Variants in CDH12 observed in about 807,000 individuals in gnomAD.
The protein encoded by CDH12 is cadherin-12.
A neutral mutation model predicts 74.1 loss-of-function variants in CDH12; 41 were observed. That is an observed-to-expected ratio of 0.55 (90% CI 0.43 to 0.72). The LOEUF (loss-of-function observed/expected upper bound fraction) is 0.72, where lower values mean the gene tolerates loss of function less well. CDH12 is among the 30% of genes least tolerant of loss of function. The probability of loss-of-function intolerance (pLI) is 0.00; values close to 1 mark genes in which losing one functional copy is unlikely to be tolerated. For synonymous variants in CDH12, 399 were observed against 355.0 expected, an observed-to-expected ratio of 1.12 and a Z score of -1.39; for missense variants, 945 against 977.2, an observed-to-expected ratio of 0.97 and a Z score of 0.44.
intron 1 of CDH12, among the ~76,000 whole-genome samples, chr5:22,803,300 A>ATAATTATATAATG (rs1472744051): frequency 2.0e-5 from 3 of 152,206 alleles, no homozygotes; most frequent in Non-Finnish European, 4.4e-5. Flanking sequence ...AGGGCCTACT[A>ATAATTATATAATG]CTATAATTAA....
intron 6 of CDH12, among the ~76,000 whole-genome samples, chr5:21,921,913 C>T (rs1173949731): frequency 6.6e-6 from 1 of 152,168 alleles, no homozygotes; most frequent in Non-Finnish European, 1.5e-5. Context: ...TGCATTGCCT[C>T]AAACTGGCTA....
At chr5:22,812,352 A>C (rs1749192958) in intron 1 of CDH12, among the ~76,000 whole-genome samples, 1 of 152,160 alleles carries the variant, frequency 6.6e-6, no homozygotes, top group African/African-American at 2.4e-5. Flanking sequence ...ACAGGTGTGC[A>C]CTACCACCCT....
chr5:21,804,251 G>A (rs1747299826), intron 9 of CDH12, among the ~76,000 whole-genome samples: 1 of 152,040 alleles, frequency 6.6e-6, no homozygotes, highest in South Asian at 2.1e-4. Context: ...AATATGCGAT[G>A]GTTGATAATG....
chr5:22,267,344 C>T (rs1448575751), intron 3 of CDH12, among the ~76,000 whole-genome samples: 1 of 152,058 alleles, frequency 6.6e-6, no homozygotes, highest in Non-Finnish European at 1.5e-5. Context: ...AATTCTCTAT[C>T]GAGCATTTTA....
intron 1 of CDH12, among the ~76,000 whole-genome samples, chr5:22,817,859 T>C (rs753566299): frequency 5.1e-4 from 77 of 152,308 alleles, no homozygotes; most frequent in Middle Eastern, 6.8e-3. Flanking sequence ...TTGTAAAGTA[T>C]AAATTTGGTA....
intron 2 of CDH12, among the ~76,000 whole-genome samples, chr5:22,495,523 G>A (rs1747071367): frequency 6.6e-6 from 1 of 152,102 alleles, no homozygotes; most frequent in African/African-American, 2.4e-5. Context: ...ATATGGGAGG[G>A]ATGTCTTGCT....
chr5:21,875,162 A>G (rs1561262786), intron 6 of CDH12, among the ~76,000 whole-genome samples: 1 of 152,212 alleles, frequency 6.6e-6, no homozygotes, highest in Non-Finnish European at 1.5e-5. Flanking sequence ...TGTGGAAGAC[A>G]GTGTGGCTAA....
intron 3 of CDH12, among the ~76,000 whole-genome samples, chr5:22,392,254 A>G (rs1742279015): frequency 1.3e-5 from 2 of 152,096 alleles, no homozygotes; most frequent in Admixed American, 1.3e-4. Flanking sequence ...AGAAGTTTGA[A>G]GTTGTGTTGG....
intron 4 of CDH12, among the ~76,000 whole-genome samples, chr5:22,200,397 ACGT>A (rs1490257621): frequency 3.3e-5 from 5 of 152,160 alleles, no homozygotes; most frequent in Non-Finnish European, 5.9e-5. Flanking sequence ...AAGAAAATTG[ACGT>A]GTGAGTTAAA....
At chr5:22,192,986 C>T (rs1303095448) in intron 4 of CDH12, among the ~76,000 whole-genome samples, 2 of 151,124 alleles carry the variant, frequency 1.3e-5, no homozygotes, top group Non-Finnish European at 2.9e-5. Flanking sequence ...TTAAGGAAGT[C>T]GGAAAAAAAC....
intron 1 of CDH12, among the ~76,000 whole-genome samples, chr5:22,523,261 A>T (rs1232937296): frequency 6.6e-6 from 1 of 152,146 alleles, no homozygotes; most frequent in Non-Finnish European, 1.5e-5. Flanking sequence ...CTTCCATGGT[A>T]ATCTCATTTA....
At chr5:21,960,604 A>T (rs1220962491) in intron 6 of CDH12, among the ~76,000 whole-genome samples, 1 of 152,158 alleles carries the variant, frequency 6.6e-6, no homozygotes, top group Non-Finnish European at 1.5e-5. Flanking sequence ...CACACAAAAA[A>T]ATCAGACTGT....
intron 6 of CDH12, among the ~76,000 whole-genome samples, chr5:21,857,045 T>C (rs775213247): frequency 6.6e-6 from 1 of 151,776 alleles, no homozygotes; most frequent in Non-Finnish European, 1.5e-5. Flanking sequence ...ACCAAACTCA[T>C]GCAAAAGACA....
chr5:22,034,779 CATG>C (rs1183478129), intron 5 of CDH12, among the ~76,000 whole-genome samples: 1 of 152,040 alleles, frequency 6.6e-6, no homozygotes, highest in African/African-American at 2.4e-5. Context: ...GAAAATGTGT[CATG>C]AAGAATAAAG....
At chr5:21,783,927 G>GA (rs1234052852) in intron 10 of CDH12, among the ~76,000 whole-genome samples, 1 of 152,026 alleles carries the variant, frequency 6.6e-6, no homozygotes, top group Non-Finnish European at 1.5e-5. Flanking sequence ...TCCAGAGATA[G>GA]AAAAAATAAC....
intron 2 of CDH12, among the ~76,000 whole-genome samples, chr5:22,429,846 T>C (rs1744094286): frequency 6.6e-6 from 1 of 152,180 alleles, no homozygotes; most frequent in African/African-American, 2.4e-5. Flanking sequence ...CTGAAACAAT[T>C]GGTTTTGTAT....
At chr5:21,948,595 T>C (rs1310488902) in intron 6 of CDH12, among the ~76,000 whole-genome samples, 1 of 152,052 alleles carries the variant, frequency 6.6e-6, no homozygotes, top group Non-Finnish European at 1.5e-5. Flanking sequence ...AGATGAGACT[T>C]TGAACTGTGG....
intron 1 of CDH12, among the ~76,000 whole-genome samples, chr5:22,607,793 G>T (rs181805787): frequency 6.6e-6 from 1 of 152,220 alleles, no homozygotes. Context: ...AGAGGCCAAC[G>T]TACAGCTCAG....
At chr5:22,286,838 TTA>T (rs909449073) in intron 3 of CDH12, among the ~76,000 whole-genome samples, 2 of 152,198 alleles carry the variant, frequency 1.3e-5, no homozygotes, top group African/African-American at 4.8e-5. Flanking sequence ...AAATCATTGT[TTA>T]TATATGTGTT....
Sources: gnomAD v4.1 joint callset for allele counts (sites outside exome capture counted in the v4.1 genomes callset) on GRCh38, gnomAD v4.1.1 for gene constraint, MANE v1.5 for transcripts, NCBI Gene and HGNC (gene_info 2026-07-23, HGNC 2026-07-21) for gene names.